Variants in ARID5B observed in about 807,000 individuals in gnomAD.
ARID5B encodes AT-rich interactive domain-containing protein 5B.
ARID5B carries 13 observed loss-of-function variants against 97.2 expected under a neutral mutation model. The ratio of observed to expected loss-of-function variants is 0.13; its 90% CI spans 0.09 to 0.21. The LOEUF (loss-of-function observed/expected upper bound fraction) is 0.21. ARID5B is among the 10% of genes least tolerant of loss of function. The probability of loss-of-function intolerance (pLI) is 1.00; values close to 1 mark genes in which losing one functional copy is unlikely to be tolerated. For missense variants in ARID5B, 1,210 were observed against 1,465.3 expected, an observed-to-expected ratio of 0.83 and a Z score of 2.84; for synonymous variants, 556 against 570.3, an observed-to-expected ratio of 0.97 and a Z score of 0.36.
intron 4 of ARID5B, among the ~76,000 whole-genome samples, chr10:62,021,066 A>ATATATATATC (rs1487253733): frequency 2.3e-5 from 3 of 133,324 alleles, no homozygotes; most frequent in African/African-American, 2.8e-5. Flanking sequence ...ATATATATAT[A>ATATATATATC]TATCTCAGAA....
At chr10:62,050,788 T>G in intron 4 of ARID5B, 100 bp from the exon 5 acceptor site, 1 of 1,005,480 alleles carries the variant, frequency 9.9e-7, no homozygotes. Context: ...TACATTTCTC[T>G]GAACAATTAG....
intron 7 of ARID5B, among the ~76,000 whole-genome samples, chr10:62,065,063 C>T (rs986935084): frequency 9.9e-5 from 15 of 152,186 alleles, no homozygotes; most frequent in African/African-American, 3.6e-4. Flanking sequence ...CGTGAGTCAC[C>T]ATGCCCGTCC....
At chr10:62,006,291 A>C (rs1839145564) in intron 4 of ARID5B, among the ~76,000 whole-genome samples, 1 of 152,120 alleles carries the variant, frequency 6.6e-6, no homozygotes, top group Admixed American at 6.6e-5. Context: ...AAAATACAAA[A>C]ATTAGCCAGG....
chr10:62,052,075 TA>T, intron 5 of ARID5B, among the ~76,000 whole-genome samples: 1 of 152,350 alleles, frequency 6.6e-6, no homozygotes, highest in Middle Eastern at 3.4e-3. Flanking sequence ...TAGGAAATTT[TA>T]AGGACTTTTT....
intron 3 of ARID5B, among the ~76,000 whole-genome samples, chr10:61,961,839 C>T (rs1359774990): frequency 1.3e-5 from 2 of 152,144 alleles, no homozygotes; most frequent in Non-Finnish European, 2.9e-5. Flanking sequence ...CCTCTGCCTC[C>T]CCGGTTCAAG....
At chr10:61,968,903 A>G (rs1479575641) in intron 3 of ARID5B, among the ~76,000 whole-genome samples, 1 of 152,228 alleles carries the variant, frequency 6.6e-6, no homozygotes, top group Non-Finnish European at 1.5e-5. Context: ...TGGTTTCTAA[A>G]GTTTTAACCA....
Position 61,979,887 on chromosome 10 carries a change from T to C in ARID5B, c.503-20204T>C, listed in dbSNP as rs1838753645. Reference sequence around the variant, plus strand: ...TAGGCGTATCACCTGAGGTCAGGAGTTCGAGATCAGCCTGGCTAACATGGT... The same window carrying C: ...TAGGCGTATCACCTGAGGTCAGGAGCTCGAGATCAGCCTGGCTAACATGGT... On this transcript the variant is annotated intron_variant, in intron 3 of 9. Coordinates refer to ENST00000279873, the MANE Select transcript of ARID5B (RefSeq NM_032199.3). Among the ~76,000 whole-genome samples the C allele has an allele frequency of 1.3e-5, 2 of 151,710 alleles. 1 individual carries two copies. The highest frequency in any genetic ancestry group is 1.3e-4 in the Admixed American group (2 of 15,240).
At chr10:62,007,236 T>C (rs187957955) in intron 4 of ARID5B, among the ~76,000 whole-genome samples, 7 of 152,304 alleles carry the variant, frequency 4.6e-5, no homozygotes, top group African/African-American at 1.4e-4. Context: ...TCCCCTTTAT[T>C]ATGTCCTGCC....
chr10:61,987,729 G>A (rs758296585), intron 3 of ARID5B, among the ~76,000 whole-genome samples: 5 of 152,210 alleles, frequency 3.3e-5, no homozygotes, highest in Non-Finnish European at 5.9e-5. Context: ...AAAAACAGGT[G>A]TTGGGCTGAA....
intron 2 of ARID5B, among the ~76,000 whole-genome samples, chr10:61,928,205 C>A (rs1365961538): frequency 6.6e-6 from 1 of 152,178 alleles, no homozygotes; most frequent in East Asian, 1.9e-4. Flanking sequence ...GCTGCTCCAG[C>A]CCAGGTTCCT....
intron 2 of ARID5B, among the ~76,000 whole-genome samples, chr10:61,937,591 G>A (rs1844327822): frequency 6.6e-6 from 1 of 152,202 alleles, no homozygotes. Flanking sequence ...ATAACAAAGT[G>A]TATTTCTTTG....
At chr10:62,056,595 G>T (rs1300260059) in intron 5 of ARID5B, among the ~76,000 whole-genome samples, 1 of 152,150 alleles carries the variant, frequency 6.6e-6, no homozygotes, top group Non-Finnish European at 1.5e-5. Context: ...TGTTAAGGAG[G>T]CAGGGTTTGT....
chr10:62,017,553 C>G (rs562320030), intron 4 of ARID5B, among the ~76,000 whole-genome samples: 1 of 151,498 alleles, frequency 6.6e-6, no homozygotes, highest in South Asian at 2.1e-4. Context: ...TATTATTTGG[C>G]TAATTCAGCT....
At chr10:62,022,961 G>A (rs1450386102) in intron 4 of ARID5B, among the ~76,000 whole-genome samples, 1 of 152,182 alleles carries the variant, frequency 6.6e-6, no homozygotes, top group African/African-American at 2.4e-5. Flanking sequence ...GTTTTCTTAC[G>A]AGTTTTGATA....
intron 2 of ARID5B, among the ~76,000 whole-genome samples, chr10:61,910,020 G>A (rs144259894): frequency 2.0e-4 from 31 of 152,284 alleles, no homozygotes; most frequent in African/African-American, 7.5e-4. Context: ...TTCACTCCTC[G>A]CCTGGTGTTG....
At chr10:61,960,848 G>C (rs1589236067) in intron 3 of ARID5B, among the ~76,000 whole-genome samples, 2 of 152,352 alleles carry the variant, frequency 1.3e-5, no homozygotes, top group East Asian at 1.9e-4. Context: ...GTAGTGGTAA[G>C]GGACTAAAAG....
At chr10:61,916,805 T>C (rs572495271) in intron 2 of ARID5B, among the ~76,000 whole-genome samples, 1 of 152,330 alleles carries the variant, frequency 6.6e-6, no homozygotes, top group South Asian at 2.1e-4. Context: ...TGTATCCGTC[T>C]TTCAAGGTCC....
chr10:61,990,821 C>T (rs573074046), intron 3 of ARID5B, among the ~76,000 whole-genome samples: 3 of 152,182 alleles, frequency 2.0e-5, no homozygotes, highest in African/African-American at 7.2e-5. Flanking sequence ...AGTACATTCA[C>T]AATATTGTGT....
intron 4 of ARID5B, among the ~76,000 whole-genome samples, chr10:62,031,165 C>T (rs1255978452): frequency 1.3e-5 from 2 of 152,142 alleles, no homozygotes; most frequent in African/African-American, 2.4e-5. Flanking sequence ...ACCCAGGAGG[C>T]GGAGGTTGCA....
Sources: allele counts gnomAD v4.1 joint callset (sites outside exome capture counted in the v4.1 genomes callset), GRCh38; gene constraint gnomAD v4.1.1; transcripts MANE v1.5; gene names NCBI Gene and HGNC (gene_info 2026-07-23, HGNC 2026-07-21).